Variants in PCDHGA8 observed in about 807,000 individuals in gnomAD.
PCDHGA8 encodes the protein protocadherin gamma subfamily A, 8.
A neutral mutation model predicts 59.2 loss-of-function variants in PCDHGA8; 45 were observed. That is an observed-to-expected ratio of 0.76 (90% CI 0.60 to 0.98). The LOEUF (loss-of-function observed/expected upper bound fraction) is 0.98. Ranked by LOEUF, PCDHGA8 falls within the 50% of genes least tolerant of loss-of-function variation. The pLI is 0.00. For missense variants in PCDHGA8, 1,257 were observed against 1,196.2 expected, an observed-to-expected ratio of 1.05 and a Z score of -0.75; for synonymous variants, 531 against 519.0, an observed-to-expected ratio of 1.02 and a Z score of -0.32.
intron 1 of PCDHGA8, chr5:141,419,779 GC>G: frequency 1.2e-6 from 2 of 1,614,064 alleles, no homozygotes; most frequent in African/African-American, 2.7e-5. Context: ...CGGTCCGCCA[GC>G]GCCTGCTAGT....
chr5:141,495,721 G>A (rs2099763243), intron 2 of PCDHGA8, among the ~76,000 whole-genome samples: 1 of 152,100 alleles, frequency 6.6e-6, no homozygotes, highest in Non-Finnish European at 1.5e-5. Context: ...TAACTACACG[G>A]GACCCTTAGT....
intron 1 of PCDHGA8, among the ~76,000 whole-genome samples, chr5:141,430,247 G>T (rs1003479541): frequency 9.7e-6 from 1 of 102,928 alleles, no homozygotes; most frequent in Non-Finnish European, 1.8e-5. Flanking sequence ...AACTCCTAGG[G>T]AGACATCTCC....
Position 141,432,148 on chromosome 5 carries a change from G to C in PCDHGA8, c.2424+36911G>C. ...CCTCCTATTCCGCTTATATCCCAGA[G>C]AACAATCCCAGAGGAGTTTCCCTCG... On this transcript the variant is annotated intron_variant, in intron 1 of 3. Coordinates refer to ENST00000398604, the MANE Select transcript of PCDHGA8 (RefSeq NM_032088.2). The surrounding 1 kb of genome is among the most constrained non-coding windows in gnomAD (Gnocchi z 6.0). 6.2e-7 allele frequency: 1 copy of C among 1,614,002 alleles called. No individual in the cohort carries two copies. Among genetic ancestry groups the C allele is most frequent in the East Asian group, 2.2e-5 (1 of 44,876 alleles).
Position 141,392,973 on chromosome 5 carries a change from C to A in PCDHGA8, c.160C>A (p.Leu54Met), listed in dbSNP as rs1405082783. ...FVGNISKDLG[L>M]DPRKLAKHGV... is the part of the protein sequence containing the mutation. ...GGGTAATATCTCCAAGGACCTGGGG[C>A]TGGACCCCCGGAAGCTGGCGAAGCA... Residue 54 changes from leucine (L) to methionine (M), a missense_variant, in exon 1 of 4, where the codon CTG (leucine) becomes ATG (methionine). Leu to Met is a conservative substitution (Grantham distance 15). Coordinates refer to ENST00000398604, the MANE Select transcript of PCDHGA8 (RefSeq NM_032088.2). 1 of 1,613,888 alleles carries A rather than the reference C, an allele frequency of 6.2e-7. No homozygotes were observed. Among genetic ancestry groups the A allele is most frequent in the South Asian group, 1.1e-5 (1 of 91,072 alleles).
chr5:141,419,259 C>A (rs765877993), intron 1 of PCDHGA8: 11 of 1,614,016 alleles, frequency 6.8e-6, no homozygotes, highest in Non-Finnish European at 9.3e-6. Flanking sequence ...AACAACCAGC[C>A]GGGTGCCTCC....
At chr5:141,403,066 G>A in intron 1 of PCDHGA8, 1 of 1,614,076 alleles carries the variant, frequency 6.2e-7, no homozygotes, top group East Asian at 2.2e-5. Flanking sequence ...TGCCTGAAGA[G>A]ACAGAAAAGG....
intron 1 of PCDHGA8, among the ~76,000 whole-genome samples, chr5:141,483,525 A>G (rs1442825090): frequency 1.3e-5 from 2 of 152,126 alleles, no homozygotes; most frequent in African/African-American, 4.8e-5. Context: ...ATCCTGACTA[A>G]GGAAGCTGGG....
rs549047197 is a variant in PCDHGA8, at chr5:141,502,866, C to CTTTTTTTTTTTTTTT, written c.2484-2513_2484-2512insTTTTTTTTTTTTTTT. Reference sequence around the variant, plus strand: ...GAGCTGCCTAACCCTGACTCTCTGTCTTTTTTTTTTTTTTGACAGGGAGTC... The same window carrying CTTTTTTTTTTTTTTT: ...GAGCTGCCTAACCCTGACTCTCTGTCTTTTTTTTTTTTTTTTTTTTTTTTTTTTTGACAGGGAGTC... On this transcript the variant is annotated intron_variant, in intron 2 of 3. Coordinates refer to ENST00000398604, the MANE Select transcript of PCDHGA8 (RefSeq NM_032088.2). 1.1e-4 allele frequency among the ~76,000 whole-genome samples: 14 copies of CTTTTTTTTTTTTTTT among 128,026 alleles called. 3 individuals are homozygous for CTTTTTTTTTTTTTTT. Among genetic ancestry groups the CTTTTTTTTTTTTTTT allele is most frequent in the Admixed American group, 1.7e-4 (2 of 11,664 alleles). The allele number at this position is 128,026 out of a possible 152,430, so 84.0% of individuals were successfully genotyped here.
chr5:141,501,066 A>G (rs2099805322), intron 2 of PCDHGA8, among the ~76,000 whole-genome samples: 1 of 151,976 alleles, frequency 6.6e-6, no homozygotes, highest in South Asian at 2.1e-4. Flanking sequence ...ACGGGGTTTC[A>G]CCATGTTGAC....
chr5:141,449,475 C>T (rs1351574160), intron 1 of PCDHGA8, among the ~76,000 whole-genome samples: 8 of 150,696 alleles, frequency 5.3e-5, no homozygotes, highest in African/African-American at 1.9e-4. Flanking sequence ...GGCCTGGTAC[C>T]CCATGCCTAA....
chr5:141,483,350 G>C (rs2099580423), intron 1 of PCDHGA8, among the ~76,000 whole-genome samples: 4 of 152,172 alleles, frequency 2.6e-5, no homozygotes, highest in Admixed American at 1.3e-4. Flanking sequence ...CTTTGCAATA[G>C]TTTGAAAGCT....
rs539620413 is a variant in PCDHGA8, at chr5:141,488,489, G to GT, written c.2425-6317dup. Among the ~76,000 whole-genome samples the GT allele has an allele frequency of 1.6e-4, 25 of 152,268 alleles. No homozygotes were observed. In the South Asian group the frequency reaches 4.6e-3, roughly 28 times the overall value. On this transcript the variant is annotated intron_variant, in intron 1 of 3. Transcript: ENST00000398604. ...AGAAATGTTCCCCTACCCAAAAACT[G>GT]TAACACTCATTCCACATTTGGGGTC...
At chr5:141,421,967 T>C (rs760789458) in intron 1 of PCDHGA8, 2 of 1,611,174 alleles carry the variant, frequency 1.2e-6, no homozygotes, top group Admixed American at 3.4e-5. Flanking sequence ...ACACAGTCCG[T>C]ATATCGCGTG....
At chr5:141,441,746 C>CGTCAA in intron 1 of PCDHGA8, 1 of 371,314 alleles carries the variant, frequency 2.7e-6, no homozygotes, top group Non-Finnish European at 5.4e-6. Context: ...TCGCGCTCGG[C>CGTCAA]GTCAACGTGA....
At chr5:141,426,986 C>A (rs764345099) in intron 1 of PCDHGA8, 6 of 456,618 alleles carry the variant, frequency 1.3e-5, no homozygotes, top group Non-Finnish European at 2.2e-5. Flanking sequence ...CTGATGCCAA[C>A]GATAATGCCC....
rs374655655 is a variant in PCDHGA8, at chr5:141,431,023, C to A, written c.2424+35786C>A. 1 of 1,613,748 alleles carries A rather than the reference C, an allele frequency of 6.2e-7. No homozygotes were observed. The highest frequency in any genetic ancestry group is 2.2e-5 in the East Asian group (1 of 44,862). On this transcript the variant is annotated intron_variant, in intron 1 of 3. Coordinates refer to ENST00000398604, the MANE Select transcript of PCDHGA8 (RefSeq NM_032088.2). The surrounding 1 kb of genome is among the most constrained non-coding windows in gnomAD (Gnocchi z 4.8). ...GCAGCGGCAGCTTGGTCACGGCGGG[C>A]AGGATAGACCGGGAGGAGCTCTGTA...
At chr5:141,436,214 A>G (rs1242199916) in intron 1 of PCDHGA8, among the ~76,000 whole-genome samples, 5 of 152,160 alleles carry the variant, frequency 3.3e-5, no homozygotes, top group African/African-American at 7.2e-5. Context: ...AGGAAAACAA[A>G]TGACTTGGGA....
intron 1 of PCDHGA8, chr5:141,415,485 T>C (rs2154545779): frequency 6.2e-7 from 1 of 1,614,044 alleles, no homozygotes; most frequent in South Asian, 1.1e-5. Flanking sequence ...CGCGAAAGAG[T>C]CACCTGATCT....
chr5:141,462,011 C>T (rs567038580), intron 1 of PCDHGA8, among the ~76,000 whole-genome samples: 32 of 152,182 alleles, frequency 2.1e-4, no homozygotes, highest in Admixed American at 5.9e-4. Flanking sequence ...TTAATAGAGA[C>T]GGGGTTTCTT....
Sources: allele counts gnomAD v4.1 joint callset (sites outside exome capture counted in the v4.1 genomes callset), GRCh38; gene constraint gnomAD v4.1.1; non-coding constraint Gnocchi (gnomAD v3.1); transcripts MANE v1.5; gene names NCBI Gene and HGNC (gene_info 2026-07-23, HGNC 2026-07-21).